The following LIN54 variants were observed in gnomAD, a reference collection of about 807,000 sequenced individuals.
The protein encoded by LIN54 is protein lin-54 homolog.
A neutral mutation model predicts 78.7 loss-of-function variants in LIN54; 9 were observed. The observed-to-expected ratio is 0.11, with a 90% CI of 0.07 to 0.20. The LOEUF (loss-of-function observed/expected upper bound fraction) is 0.20, where lower values mean the gene tolerates loss of function less well. Among genes scored for constraint, LIN54 ranks in the 10% least tolerant of loss-of-function variants. The probability of loss-of-function intolerance (pLI) is 1.00; values close to 1 mark genes in which losing one functional copy is unlikely to be tolerated. For synonymous variants in LIN54, 269 were observed against 318.4 expected, an observed-to-expected ratio of 0.84 and a Z score of 1.65; for missense variants, 573 against 889.9, an observed-to-expected ratio of 0.64 and a Z score of 4.53.
rs2126027299 is a variant in LIN54 at position 82,930,979 on chromosome 4, G to A, written c.2012C>T (p.Thr671Ile). The A allele has an allele frequency of 6.2e-7, 1 of 1,614,208 alleles. No individual in the cohort carries two copies. Among genetic ancestry groups the A allele is most frequent in the Middle Eastern group, 1.6e-4 (1 of 6,062 alleles). Residue 671 changes from threonine to isoleucine, a missense_variant, in exon 12 of 13, where the codon ACT (threonine) becomes ATT (isoleucine). Physicochemically the swap from Thr to Ile is moderately conservative, Grantham distance 89. Transcript: ENST00000340417. ...ACTATTTAAAGCTGGTGTTGGCCTA[G>A]TAAGCAAGTCTGAAATTTGAGAGGA... ...KLSSQISDLL[T>I]RPTPALNSGG...
chr4:82,974,159 G>T (rs575440521), intron 3 of LIN54, among the ~76,000 whole-genome samples: 1 of 150,462 alleles, frequency 6.6e-6, no homozygotes, highest in African/African-American at 2.4e-5. Flanking sequence ...GCAGTGAGCC[G>T]AGATCGCACC....
At chr4:83,000,025 T>C (rs1728619693) in intron 1 of LIN54, among the ~76,000 whole-genome samples, 1 of 152,032 alleles carries the variant, frequency 6.6e-6, no homozygotes, top group Non-Finnish European at 1.5e-5. Context: ...CCTGAATAGC[T>C]GGGACCACAG....
chr4:82,934,434 C>G, intron 11 of LIN54, among the ~76,000 whole-genome samples: 1 of 152,208 alleles, frequency 6.6e-6, no homozygotes, highest in African/African-American at 2.4e-5. Context: ...ACAACAACAA[C>G]AAAAAACTTG....
intron 2 of LIN54, among the ~76,000 whole-genome samples, chr4:82,983,007 G>GTTTT (rs66577460): frequency 1.7e-5 from 2 of 116,970 alleles, no homozygotes; most frequent in Admixed American, 9.2e-5. Context: ...TGCATTTCTT[G>GTTTT]TTTTTTTTTT....
intron 4 of LIN54, among the ~76,000 whole-genome samples, chr4:82,955,424 T>TAACATAACATAACATAACATAACATAAC (rs1338632940): frequency 1.2e-5 from 1 of 80,042 alleles, no homozygotes; most frequent in Non-Finnish European, 3.1e-5. Context: ...CATAACATAA[T>TAACATAACATAACATAACATAACATAAC]GAACAGACAA....
At chr4:83,010,924 C>T (rs183332374), upstream of LIN54, 397 of 928,354 alleles carry the variant, frequency 4.3e-4, no homozygotes, top group African/African-American at 7.0e-3. Context: ...AACCTTCAAA[C>T]GCACAAGGGC....
intron 4 of LIN54, among the ~76,000 whole-genome samples, chr4:82,949,111 C>T (rs762056402): frequency 2.6e-5 from 4 of 152,112 alleles, no homozygotes; most frequent in Non-Finnish European, 5.9e-5. Flanking sequence ...ATAATGGCTG[C>T]ACCAATCTAC....
chr4:82,934,114 T>TA (rs1014651694), intron 11 of LIN54, among the ~76,000 whole-genome samples: 1 of 152,118 alleles, frequency 6.6e-6, no homozygotes, highest in African/African-American at 2.4e-5. Context: ...TAAGACAGTT[T>TA]AAAAAATCAA....
intron 4 of LIN54, among the ~76,000 whole-genome samples, chr4:82,951,646 GATA>G (rs1017829120): frequency 1.3e-5 from 2 of 152,138 alleles, no homozygotes; most frequent in African/African-American, 4.8e-5. Flanking sequence ...AATGGAGAAT[GATA>G]ATAATGTGGA....
chr4:82,993,340 C>T (rs1057471799), intron 1 of LIN54, among the ~76,000 whole-genome samples: 1 of 151,384 alleles, frequency 6.6e-6, no homozygotes, highest in Non-Finnish European at 1.5e-5. Context: ...CCTCAGCCTC[C>T]CAAGTAGCTG....
In LIN54 at chr4:82,953,123, G is replaced by C. The variant is rs531806901; in HGVS notation, c.952-6649C>G. On this transcript the variant is annotated intron_variant, in intron 4 of 12. Coordinates refer to ENST00000340417, the MANE Select transcript of LIN54 (RefSeq NM_194282.4). ...CTCCCATCTCAGCCTCCTGTAGGTG[G>C]GCCTACAGGCATGCATCACTACGCC... Among the ~76,000 whole-genome samples, 7 of 152,142 alleles carry C rather than the reference G, an allele frequency of 4.6e-5. 1 individual carries two copies. The highest frequency in any genetic ancestry group is 1.7e-4 in the African/African-American group (7 of 41,508).
intron 4 of LIN54, among the ~76,000 whole-genome samples, chr4:82,966,872 G>A (rs1725245893): frequency 6.6e-6 from 1 of 152,072 alleles, no homozygotes; most frequent in Non-Finnish European, 1.5e-5. Flanking sequence ...ACCTACCAAA[G>A]TGCTGGGATT....
At chr4:82,972,179 T>C (rs1300671444) in intron 3 of LIN54, among the ~76,000 whole-genome samples, 5 of 151,924 alleles carry the variant, frequency 3.3e-5, no homozygotes, top group Non-Finnish European at 7.4e-5. Flanking sequence ...CTCAGCCTCC[T>C]GAGTAGCTGG....
At chr4:82,937,183 T>C in intron 9 of LIN54, 44 bp downstream of exon 9, 1 of 974,148 alleles carries the variant, frequency 1.0e-6, no homozygotes, top group Non-Finnish European at 1.7e-6. Flanking sequence ...TTTAAGTGCA[T>C]TTCTAATTAC....
In LIN54 at chr4:82,926,063, A is replaced by G. The variant is rs77238199; in HGVS notation, c.*2039T>C. ...TAGTAGCATTTGATTGCACCTTGAA[A>G]TTTTTTTACAAGCAAAACATTCGTA... On this transcript the variant is annotated 3_prime_UTR_variant, in exon 13 of 13. Transcript: ENST00000340417. 0.011 allele frequency: 1,752 copies of G among 152,642 alleles called. 27 individuals carry two copies. Among genetic ancestry groups the G allele is most frequent in the Non-Finnish European group, 0.015 (1,053 of 67,978 alleles). The allele number at this position is 152,642 out of a possible 1,614,324, so 9.5% of individuals were successfully genotyped here.
intron 4 of LIN54, among the ~76,000 whole-genome samples, chr4:82,962,830 C>T (rs527322079): frequency 1.3e-5 from 2 of 151,420 alleles, no homozygotes; most frequent in Admixed American, 6.6e-5. Context: ...AACAATTGAG[C>T]ATCCAAGAGC....
chr4:82,993,772 C>T (rs1727954058), intron 1 of LIN54, among the ~76,000 whole-genome samples: 1 of 151,992 alleles, frequency 6.6e-6, no homozygotes, highest in Non-Finnish European at 1.5e-5. Context: ...CGCATGCCAC[C>T]ATGCCGGCTA....
chr4:82,946,045 T>C (rs1190534820), intron 5 of LIN54, among the ~76,000 whole-genome samples: 3 of 152,208 alleles, frequency 2.0e-5, no homozygotes, highest in Non-Finnish European at 4.4e-5. Context: ...ATTACTATTA[T>C]CTGGTATAAT....
rs903437232 is a variant in LIN54, at chr4:82,996,417, A to T, written c.-32-11541T>A. 2.0e-4 allele frequency among the ~76,000 whole-genome samples: 30 copies of T among 151,844 alleles called. 1 individual carries two copies. Among genetic ancestry groups the T allele is most frequent in the East Asian group, 7.7e-4 (4 of 5,166 alleles). ...CTATGCTTCCAATATTTATTTATTT[A>T]TTTTTTGAGACAGAGTCTCACTCTG... On this transcript the variant is annotated intron_variant, in intron 1 of 12. Transcript: ENST00000340417.
Sources: gnomAD v4.1 joint callset for allele counts (sites outside exome capture counted in the v4.1 genomes callset) on GRCh38, gnomAD v4.1.1 for gene constraint, MANE v1.5 for transcripts, NCBI Gene and HGNC (gene_info 2026-07-23, HGNC 2026-07-21) for gene names.